Variants in PIK3C2B observed in about 807,000 individuals in gnomAD.
PIK3C2B encodes the protein phosphatidylinositol 4-phosphate 3-kinase C2 domain-containing subunit beta.
Under a neutral mutation model 184.3 loss-of-function variants are expected in PIK3C2B, and 83 were observed. The observed-to-expected ratio is 0.45, with a 90% CI of 0.38 to 0.54. The LOEUF is 0.54. Among genes scored for constraint, PIK3C2B ranks in the 20% least tolerant of loss-of-function variants. The probability of loss-of-function intolerance (pLI) is 0.00; values close to 1 mark genes in which losing one functional copy is unlikely to be tolerated. For synonymous variants in PIK3C2B, 779 were observed against 837.6 expected (o/e 0.93, Z 1.21); for missense variants, 1,736 against 2,113.5 (o/e 0.82, Z 3.50).
At position 204,455,850 on chromosome 1, in the gene PIK3C2B, G is replaced by C. The variant is rs934586619; in HGVS notation, c.1943+6C>G. The C allele has an allele frequency of 1.2e-6, 2 of 1,607,386 alleles. No homozygotes were observed. The highest frequency in any genetic ancestry group is 2.7e-5 in the African/African-American group (2 of 74,824). On this transcript the variant is annotated splice_donor_region_variant and intron_variant, in intron 11 of 32. Transcript: ENST00000684373. The stretch of plus-strand genomic sequence containing the variant: ...CTCCCTAGCGGCTACTCAGCCCTGG[G>C]CTCACCTGGTAGCCCAGATGATGGG...
chr1:204,435,461 G>A (rs1675290829), intron 23 of PIK3C2B: 1 of 152,102 alleles, frequency 6.6e-6, no homozygotes, highest in African/African-American at 2.4e-5. Flanking sequence ...GTCATAGCCA[G>A]GTAGGAATGC....
At chr1:204,464,667 G>A (rs1655609982) in intron 3 of PIK3C2B, 63 bp from the exon 4 acceptor site, 5 of 1,494,704 alleles carry the variant, frequency 3.3e-6, no homozygotes, top group Non-Finnish European at 4.6e-6. Flanking sequence ...GAAGACATCT[G>A]TTGGGAACCT....
At chr1:204,490,586 G>A (rs1174855914) in intron 1 of PIK3C2B, among the ~76,000 whole-genome samples, 2 of 152,092 alleles carry the variant, frequency 1.3e-5, no homozygotes, top group Admixed American at 6.6e-5. Flanking sequence ...GGGAAGTGAT[G>A]GCCCAGGTCC....
Position 204,433,084 on chromosome 1 carries a change from C to T in PIK3C2B, c.3953+232G>A, listed in dbSNP as rs1304659981. 6.6e-6 allele frequency among the ~76,000 whole-genome samples: 1 copy of T among 152,184 alleles called. No individual in the cohort carries two copies. Among genetic ancestry groups the T allele is most frequent in the Non-Finnish European group, 1.5e-5 (1 of 68,044 alleles). On this transcript the variant is annotated intron_variant, in intron 26 of 32. Coordinates refer to ENST00000684373, the MANE Select transcript of PIK3C2B (RefSeq NM_001377334.1). This position sits in a 1 kb window ranked among gnomAD's most constrained non-coding sequence, Gnocchi z 5.0. Reference sequence around the variant, plus strand: ...ATGTAGATAAGAGTGATGGCAATACCCTTGTGTGCAAAGGTTAGCACCAAA... The same window carrying T: ...ATGTAGATAAGAGTGATGGCAATACTCTTGTGTGCAAAGGTTAGCACCAAA...
At chr1:204,467,859 C>T (rs1356326673) in intron 2 of PIK3C2B, among the ~76,000 whole-genome samples, 3 of 91,330 alleles carry the variant, frequency 3.3e-5, no homozygotes, top group Non-Finnish European at 4.9e-5. Flanking sequence ...AAGAAGGCAT[C>T]AGCCATGGGG....
Position 204,428,183 on chromosome 1 carries a change from C to T in PIK3C2B, c.4436G>A (p.Arg1479Gln), listed in dbSNP as rs777631423. ...LVYTFFHPLP[R>Q]DEKAMGTSPA... Reference sequence around the variant, plus strand: ...GCTGGTGCCCATAGCCTTCTCATCCCGGGGCAGTGGGTGGAAGAAGGTGTA... The same window carrying T: ...GCTGGTGCCCATAGCCTTCTCATCCTGGGGCAGTGGGTGGAAGAAGGTGTA... The change falls in exon 30 of 33, where the codon CGG (arginine) becomes CAG (glutamine). Residue 1479 changes from arginine to glutamine, a missense_variant. Around this residue, in one of 8 missense-constraint regions of PIK3C2B, gnomAD observed 200 missense variants for 199.1 expected, o/e 1.00. Transcript: ENST00000684373. 2.0e-5 allele frequency: 32 copies of T among 1,612,854 alleles called. No individual in the cohort carries two copies. Among genetic ancestry groups the T allele is most frequent in the South Asian group, 4.4e-5 (4 of 90,956 alleles).
chr1:204,446,394 G>A (rs1365522203), intron 15 of PIK3C2B, among the ~76,000 whole-genome samples: 1 of 152,246 alleles, frequency 6.6e-6, no homozygotes, highest in East Asian at 1.9e-4. Context: ...CTATGCCACA[G>A]ATCACCAGGT....
intron 5 of PIK3C2B, among the ~76,000 whole-genome samples, chr1:204,461,207 C>T (rs1432037518): frequency 6.6e-6 from 1 of 152,236 alleles, no homozygotes; most frequent in Non-Finnish European, 1.5e-5. Context: ...CTTTTTCTGC[C>T]TTCCATCTGT....
At chr1:204,427,149 A>C (rs890052438) in intron 31 of PIK3C2B, among the ~76,000 whole-genome samples, 1 of 152,038 alleles carries the variant, frequency 6.6e-6, no homozygotes, top group Non-Finnish European at 1.5e-5. Flanking sequence ...AAAAAAAAAA[A>C]AGTTCCCTTC....
chr1:204,459,038 A>G (rs1392285581), intron 8 of PIK3C2B, among the ~76,000 whole-genome samples: 1 of 152,042 alleles, frequency 6.6e-6, no homozygotes, highest in Non-Finnish European at 1.5e-5. Context: ...TTTTTGAGAT[A>G]GGGTCTCACT....
chr1:204,472,458 C>T (rs1445520070), intron 1 of PIK3C2B, among the ~76,000 whole-genome samples: 5 of 151,702 alleles, frequency 3.3e-5, no homozygotes, highest in Non-Finnish European at 7.4e-5. Flanking sequence ...CCACCGCACC[C>T]GGCCCGACTG....
intron 12 of PIK3C2B, among the ~76,000 whole-genome samples, chr1:204,452,759 ACT>A (rs1398696353): frequency 7.0e-6 from 1 of 142,658 alleles, no homozygotes; most frequent in Non-Finnish European, 1.5e-5. Flanking sequence ...GGCTCAAGTG[ACT>A]CTCCCACCTC....
At chr1:204,452,575 C>T (rs1223795948) in intron 12 of PIK3C2B, among the ~76,000 whole-genome samples, 1 of 151,202 alleles carries the variant, frequency 6.6e-6, no homozygotes, top group African/African-American at 2.4e-5. Context: ...TTTAATGCAG[C>T]TATCCTCTGC....
chr1:204,456,804 GGAAAAATAATAAGAAAACACTTTGT>G (rs1157867847), intron 10 of PIK3C2B, among the ~76,000 whole-genome samples: 1 of 149,610 alleles, frequency 6.7e-6, no homozygotes, highest in African/African-American at 2.5e-5. Context: ...GGAATGACTA[GGAAAAATAATAAGAAAACACTTTGT>G]GGAAAGAAAT....
At chr1:204,449,133 G>T in intron 14 of PIK3C2B, 52 bp downstream of exon 14, 1 of 1,270,086 alleles carries the variant, frequency 7.9e-7, no homozygotes, top group Non-Finnish European at 1.1e-6. Context: ...AAAATGTAGA[G>T]TTGACTGGAA....
Position 204,442,721 on chromosome 1 carries a change from T to C in PIK3C2B, c.3049-88A>G, listed in dbSNP as rs138175339. ...TCTCCCAGGGGTGGGTTCTCCGTAG[T>C]AGTCGGTATGAAAACCACCCCCTGA... On this transcript the variant is annotated intron_variant, in intron 19 of 32. Transcript: ENST00000684373. 3.3e-4 allele frequency: 291 copies of C among 879,334 alleles called. 3 individuals carry two copies. In the African/African-American group the frequency reaches 4.0e-3, roughly 12 times the overall value. 54.5% of individuals were successfully genotyped at this position (879,334 alleles called of 1,614,324 possible).
intron 1 of PIK3C2B, among the ~76,000 whole-genome samples, chr1:204,490,652 G>C (rs1386755763): frequency 1.3e-5 from 2 of 152,030 alleles, no homozygotes; most frequent in Non-Finnish European, 2.9e-5. Flanking sequence ...AGCTGGGAGA[G>C]GTGGCTCATG....
chr1:204,427,600 A>C (rs17406271), intron 31 of PIK3C2B, 48 bp downstream of exon 31: 128,715 of 1,327,024 alleles, frequency 0.097, 7,827 homozygotes, highest in African/African-American at 0.28. Flanking sequence ...AAAAGTAGCT[A>C]AAGAAACATT....
chr1:204,433,229 C>T lies in PIK3C2B; in HGVS notation c.3953+87G>A. 2.7e-6 allele frequency: 2 copies of T among 736,660 alleles called. No individual in the cohort carries two copies. Among genetic ancestry groups the T allele is most frequent in the East Asian group, 2.6e-5 (1 of 38,870 alleles). 45.6% of individuals were successfully genotyped at this position (736,660 alleles called of 1,614,324 possible). On this transcript the variant is annotated intron_variant, in intron 26 of 32. Coordinates refer to ENST00000684373, the MANE Select transcript of PIK3C2B (RefSeq NM_001377334.1). This position sits in a 1 kb window ranked among gnomAD's most constrained non-coding sequence, Gnocchi z 5.0. The stretch of plus-strand genomic sequence containing the variant: ...TCTAGCATCTGAGCTAAGCTTTTCA[C>T]CTTTCCCCAGTCCTCCTCCTGCCAA...
Sources: allele counts gnomAD v4.1 joint callset (sites outside exome capture counted in the v4.1 genomes callset), GRCh38; gene constraint gnomAD v4.1.1; regional missense constraint gnomAD v4.1.1; non-coding constraint Gnocchi (gnomAD v3.1); transcripts MANE v1.5; gene names NCBI Gene and HGNC (gene_info 2026-07-23, HGNC 2026-07-21).